Variants in TDRD3 observed in about 807,000 individuals in gnomAD.
TDRD3 encodes the protein tudor domain-containing protein 3.
In TDRD3, 45 loss-of-function variants were observed where a neutral mutation model predicts 86.7. The observed-to-expected ratio is 0.52, with a 90% CI of 0.41 to 0.67. The LOEUF is 0.67. TDRD3 is among the 30% of genes least tolerant of loss of function. The probability of loss-of-function intolerance (pLI) is 0.00; values close to 1 mark genes in which losing one functional copy is unlikely to be tolerated. For missense variants in TDRD3, 814 were observed against 889.0 expected, an observed-to-expected ratio of 0.92 and a Z score of 1.07; for synonymous variants, 298 against 301.7, an observed-to-expected ratio of 0.99 and a Z score of 0.13.
At chr13:60,515,999 T>G (rs1957159548) in intron 10 of TDRD3, among the ~76,000 whole-genome samples, 1 of 152,212 alleles carries the variant, frequency 6.6e-6, no homozygotes, top group Admixed American at 6.5e-5. Flanking sequence ...TGAAGAGAGT[T>G]AAGATCTTAT....
In TDRD3 at chr13:60,529,083, T is replaced by G; in HGVS notation, c.1858T>G (p.Tyr620Asp). 1.2e-6 allele frequency: 2 copies of G among 1,614,058 alleles called. No homozygotes were observed. Among genetic ancestry groups the G allele is most frequent in the South Asian group, 2.2e-5 (2 of 91,078 alleles). ...TAVPCDDKIF[Y>D]NSGPKRRSGP... Reference sequence around the variant, plus strand: ...TGTACCCTGTGATGATAAAATATTTTACAATAGTGGGCCCAAACGAAGATC... The same window carrying G: ...TGTACCCTGTGATGATAAAATATTTGACAATAGTGGGCCCAAACGAAGATC... Residue 620 changes from tyrosine to aspartate, a missense_variant, in exon 11 of 14, where the codon TAC (tyrosine) becomes GAC (aspartate). Physicochemically the swap from Tyr to Asp is radical, Grantham distance 160 (BLOSUM62 -3). Coordinates refer to ENST00000377881, the MANE Select transcript of TDRD3 (RefSeq NM_001146070.2).
chr13:60,408,993 C>T (rs1387080614), intron 1 of TDRD3, among the ~76,000 whole-genome samples: 1 of 152,190 alleles, frequency 6.6e-6, no homozygotes, highest in Non-Finnish European at 1.5e-5. Context: ...CCCAGGGTCC[C>T]TGTGCTGTGT....
chr13:60,475,821 G>T (rs775366233), intron 5 of TDRD3, among the ~76,000 whole-genome samples: 5 of 152,034 alleles, frequency 3.3e-5, no homozygotes, highest in African/African-American at 1.2e-4. Flanking sequence ...TCATATGTTT[G>T]TTGGCCATTT....
chr13:60,528,954 C>G lies in TDRD3; in HGVS notation c.1729C>G (p.Pro577Ala). 6.2e-7 allele frequency: 1 copy of G among 1,613,840 alleles called. No homozygotes were observed. The highest frequency in any genetic ancestry group is 8.5e-7 in the Non-Finnish European group (1 of 1,179,912). Residue 577 changes from proline (P) to alanine (A), a missense_variant, in exon 11 of 14, where the codon CCA becomes GCA. Physicochemically the swap from Pro to Ala is conservative, Grantham distance 27 (BLOSUM62 -1). Transcript: ENST00000377881. Reference sequence around the variant, plus strand: ...TAATGTAAATACTGATTATCAGAATCCAGTTCGAAGTAATAGTTTCATTGG... The same window carrying G: ...TAATGTAAATACTGATTATCAGAATGCAGTTCGAAGTAATAGTTTCATTGG... ...HFNVNTDYQNPVRSNSFIGVP... is the reference protein window; with the variant it reads ...HFNVNTDYQNAVRSNSFIGVP...
At chr13:60,458,244 A>G (rs1459586151) in intron 3 of TDRD3, among the ~76,000 whole-genome samples, 1 of 152,200 alleles carries the variant, frequency 6.6e-6, no homozygotes, top group African/African-American at 2.4e-5. Flanking sequence ...CATCAATGGC[A>G]TTGTCTTCAA....
At chr13:60,513,192 C>G (rs1210910591) in intron 10 of TDRD3, among the ~76,000 whole-genome samples, 3 of 152,328 alleles carry the variant, frequency 2.0e-5, no homozygotes, top group Middle Eastern at 6.8e-3. Flanking sequence ...GGCCCCAGCT[C>G]TACATTGGTC....
Position 60,411,519 on chromosome 13 carries a change from T to TA in TDRD3, c.41+14122dup, listed in dbSNP as rs569685191. 3.4e-3 allele frequency among the ~76,000 whole-genome samples: 523 copies of TA among 152,022 alleles called. 4 individuals carry two copies. The highest frequency in any genetic ancestry group is 0.012 in the African/African-American group (493 of 41,498). On this transcript the variant is annotated intron_variant, in intron 1 of 13. Transcript: ENST00000377881. ...GCCTGAGCTACATTTTTCCAATGCT[T>TA]AAAAAAAATGCCCTGCCTTAATTAG...
chr13:60,560,491 T>C (rs980571697), intron 12 of TDRD3, among the ~76,000 whole-genome samples: 2 of 152,190 alleles, frequency 1.3e-5, no homozygotes, highest in Non-Finnish European at 2.9e-5. Context: ...ATGTTTTCAC[T>C]GAATTTTCAC....
chr13:60,458,947 C>T (rs1387221499), intron 3 of TDRD3, among the ~76,000 whole-genome samples: 2 of 152,098 alleles, frequency 1.3e-5, no homozygotes, highest in Non-Finnish European at 2.9e-5. Flanking sequence ...TAACAAAAGC[C>T]AAATAAAAAG....
chr13:60,434,263 A>G (rs1245084866), intron 1 of TDRD3, among the ~76,000 whole-genome samples: 2 of 152,132 alleles, frequency 1.3e-5, no homozygotes, highest in Non-Finnish European at 2.9e-5. Context: ...GGAGCTCAGG[A>G]GTTGGAGACC....
At chr13:60,464,220 C>T (rs1189072257) in intron 4 of TDRD3, among the ~76,000 whole-genome samples, 1 of 152,094 alleles carries the variant, frequency 6.6e-6, no homozygotes, top group African/African-American at 2.4e-5. Flanking sequence ...TCAGGTATTC[C>T]TTTATAGCAA....
intron 1 of TDRD3, among the ~76,000 whole-genome samples, chr13:60,425,600 A>G (rs1397807698): frequency 6.6e-6 from 1 of 152,176 alleles, no homozygotes; most frequent in East Asian, 1.9e-4. Context: ...CAAGCTATGG[A>G]AACAATCTAA....
chr13:60,565,057 T>G (rs907013628), intron 12 of TDRD3, among the ~76,000 whole-genome samples: 1 of 134,182 alleles, frequency 7.5e-6, no homozygotes, highest in East Asian at 2.1e-4. Flanking sequence ...TTTTTTTTTT[T>G]TTTTTTTTTT....
intron 7 of TDRD3, among the ~76,000 whole-genome samples, chr13:60,486,554 G>A (rs773315859): frequency 2.6e-4 from 39 of 152,134 alleles, no homozygotes; most frequent in Admixed American, 7.9e-4. Flanking sequence ...TATACAATAT[G>A]TAATGATGAA....
chr13:60,469,435 T>TACAC (rs111428413), intron 5 of TDRD3, among the ~76,000 whole-genome samples: 33 of 135,740 alleles, frequency 2.4e-4, no homozygotes, highest in Admixed American at 8.3e-4. Flanking sequence ...CACACACACA[T>TACAC]ACACACACAC....
chr13:60,467,157 C>A, intron 4 of TDRD3, 81 bp from the exon 5 acceptor site: 1 of 1,535,766 alleles, frequency 6.5e-7, no homozygotes, highest in Non-Finnish European at 8.8e-7. Context: ...GCCTGACAGG[C>A]CCCGGTCTGT....
At chr13:60,466,769 G>T (rs1364549116) in intron 4 of TDRD3, among the ~76,000 whole-genome samples, 1 of 151,470 alleles carries the variant, frequency 6.6e-6, no homozygotes, top group Non-Finnish European at 1.5e-5. Flanking sequence ...CACTTGAGGA[G>T]CTTGGGTGAC....
intron 5 of TDRD3, among the ~76,000 whole-genome samples, chr13:60,467,860 C>T (rs1349517755): frequency 6.6e-6 from 1 of 152,142 alleles, no homozygotes; most frequent in Non-Finnish European, 1.5e-5. Flanking sequence ...TTCATCTTTC[C>T]AGTCATGTAG....
intron 12 of TDRD3, among the ~76,000 whole-genome samples, chr13:60,552,850 A>G (rs536914286): frequency 6.6e-6 from 1 of 152,338 alleles, no homozygotes; most frequent in South Asian, 2.1e-4. Context: ...CCCAAGTTGC[A>G]TCTTGGCCCC....
Sources: gnomAD v4.1 joint callset for allele counts (sites outside exome capture counted in the v4.1 genomes callset) on GRCh38, gnomAD v4.1.1 for gene constraint, MANE v1.5 for transcripts, NCBI Gene and HGNC (gene_info 2026-07-23, HGNC 2026-07-21) for gene names.